The following FSTL5 variants were observed in gnomAD, a reference collection of about 807,000 sequenced individuals.
The protein encoded by FSTL5 is follistatin-related protein 5.
In FSTL5, 62 loss-of-function variants were observed where a neutral mutation model predicts 89.1. The ratio of observed to expected loss-of-function variants is 0.70; its 90% CI spans 0.57 to 0.86. FSTL5 has a LOEUF of 0.86. FSTL5 is among the 40% of genes least tolerant of loss of function. The pLI, the probability that FSTL5 is intolerant of heterozygous loss-of-function variation, is 0.00. For synonymous variants in FSTL5, 383 were observed against 346.2 expected (o/e 1.11, Z -1.18); for missense variants, 1,057 against 1,001.6 (o/e 1.06, Z -0.75).
intron 14 of FSTL5, among the ~76,000 whole-genome samples, chr4:161,456,388 CTATT>C (rs774509348): frequency 6.6e-6 from 1 of 152,118 alleles, no homozygotes; most frequent in Non-Finnish European, 1.5e-5. Flanking sequence ...CACCTAGTCT[CTATT>C]AATTATAAAT....
chr4:162,159,693 A>C (rs934975804), intron 1 of FSTL5, among the ~76,000 whole-genome samples: 1 of 152,024 alleles, frequency 6.6e-6, no homozygotes, highest in African/African-American at 2.4e-5. Flanking sequence ...ATTTGTAGGA[A>C]GTAAACTTGA....
chr4:161,760,969 C>T (rs961985421), intron 5 of FSTL5, among the ~76,000 whole-genome samples: 14 of 152,096 alleles, frequency 9.2e-5, no homozygotes, highest in African/African-American at 3.4e-4. Flanking sequence ...CCTCCAGCAC[C>T]CTCTCTAGTC....
intron 7 of FSTL5, among the ~76,000 whole-genome samples, chr4:161,612,410 T>C (rs891473455): frequency 1.3e-5 from 2 of 152,194 alleles, no homozygotes; most frequent in Admixed American, 1.3e-4. Context: ...AGTTTAGAGG[T>C]CTAGAAAAGT....
chr4:162,017,710 A>G (rs1736953282), intron 3 of FSTL5, among the ~76,000 whole-genome samples: 1 of 152,202 alleles, frequency 6.6e-6, no homozygotes, highest in African/African-American at 2.4e-5. Flanking sequence ...ATGTTTGAGA[A>G]TGAGACAACA....
intron 12 of FSTL5, among the ~76,000 whole-genome samples, chr4:161,491,019 T>G (rs1327419143): frequency 3.3e-5 from 5 of 152,000 alleles, no homozygotes; most frequent in African/African-American, 1.2e-4. Flanking sequence ...AAAACAGAAA[T>G]AAAAGGCACG....
intron 14 of FSTL5, 104 bp downstream of exon 14, chr4:161,459,108 T>A: frequency 1.3e-6 from 1 of 779,124 alleles, no homozygotes; most frequent in Non-Finnish European, 2.1e-6. Flanking sequence ...AAAGCTGTAG[T>A]CCTCAGATGG....
chr4:161,730,897 T>C (rs1465691909), intron 6 of FSTL5, among the ~76,000 whole-genome samples: 1 of 152,222 alleles, frequency 6.6e-6, no homozygotes, highest in Non-Finnish European at 1.5e-5. Flanking sequence ...CAAAAGAGTG[T>C]AAATTGAGAA....
chr4:161,697,723 T>C (rs1738220259), intron 6 of FSTL5, among the ~76,000 whole-genome samples: 1 of 152,146 alleles, frequency 6.6e-6, no homozygotes, highest in African/African-American at 2.4e-5. Flanking sequence ...TTAGAGGGCA[T>C]TGTGTTAAGT....
chr4:161,496,821 T>TAGAGATAGAGAC (rs1247196606), intron 12 of FSTL5, among the ~76,000 whole-genome samples: 1 of 151,336 alleles, frequency 6.6e-6, no homozygotes, highest in Non-Finnish European at 1.5e-5. Context: ...GAGATAGAGA[T>TAGAGATAGAGAC]AGAGATAGAG....
intron 4 of FSTL5, among the ~76,000 whole-genome samples, chr4:161,858,089 G>A (rs891404659): frequency 3.0e-4 from 45 of 152,264 alleles, no homozygotes; most frequent in African/African-American, 9.9e-4. Context: ...ATTAGGTCAT[G>A]AGACAAGAAC....
chr4:161,545,914 T>A (rs1731989919), intron 8 of FSTL5, among the ~76,000 whole-genome samples: 1 of 151,808 alleles, frequency 6.6e-6, no homozygotes, highest in African/African-American at 2.4e-5. Context: ...CCAATAAAAA[T>A]AAAAACAACA....
At chr4:162,144,675 C>T (rs1168075690) in intron 1 of FSTL5, among the ~76,000 whole-genome samples, 2 of 151,736 alleles carry the variant, frequency 1.3e-5, no homozygotes, top group Non-Finnish European at 2.9e-5. Flanking sequence ...ATATAATGAT[C>T]CACAAAAAAG....
chr4:162,037,182 G>C (rs930817198), intron 2 of FSTL5, among the ~76,000 whole-genome samples: 1 of 151,816 alleles, frequency 6.6e-6, no homozygotes, highest in African/African-American at 2.4e-5. Flanking sequence ...TTGAAAGGGT[G>C]GGTGTGATAG....
chr4:161,901,448 T>C (rs1303521829), intron 4 of FSTL5, among the ~76,000 whole-genome samples: 3 of 151,834 alleles, frequency 2.0e-5, no homozygotes, highest in Non-Finnish European at 4.4e-5. Context: ...GTGATAAGAG[T>C]GATGCAAGAT....
intron 6 of FSTL5, among the ~76,000 whole-genome samples, chr4:161,663,346 A>G (rs149635180): frequency 6.6e-6 from 1 of 152,288 alleles, no homozygotes; most frequent in East Asian, 1.9e-4. Context: ...AAAACAAGCT[A>G]GTTACTTTCT....
At chr4:161,598,645 A>T (rs1463367413) in intron 7 of FSTL5, among the ~76,000 whole-genome samples, 1 of 152,172 alleles carries the variant, frequency 6.6e-6, no homozygotes, top group Non-Finnish European at 1.5e-5. Context: ...AGAAATAGAT[A>T]AATGACAAGT....
intron 8 of FSTL5, among the ~76,000 whole-genome samples, chr4:161,577,667 T>A (rs1392766631): frequency 1.3e-5 from 2 of 152,098 alleles, no homozygotes; most frequent in Non-Finnish European, 2.9e-5. Context: ...TAGAGAACTC[T>A]GCAGAGACAG....
At chr4:161,690,827 C>G (rs1186299182) in intron 6 of FSTL5, among the ~76,000 whole-genome samples, 1 of 151,982 alleles carries the variant, frequency 6.6e-6, no homozygotes, top group East Asian at 1.9e-4. Flanking sequence ...ATGAAAAGCC[C>G]CAGTGTGTGT....
intron 10 of FSTL5, among the ~76,000 whole-genome samples, chr4:161,524,853 C>T (rs1345440888): frequency 6.6e-6 from 1 of 151,526 alleles, no homozygotes; most frequent in Non-Finnish European, 1.5e-5. Context: ...AGCTACTCAG[C>T]AGGCTGAGGC....
Sources: allele counts gnomAD v4.1 joint callset (sites outside exome capture counted in the v4.1 genomes callset), GRCh38; gene constraint gnomAD v4.1.1; transcripts MANE v1.5; gene names NCBI Gene and HGNC (gene_info 2026-07-23, HGNC 2026-07-21).